RPRD2: variants seen among roughly 807,000 people sequenced by gnomAD.
The protein encoded by RPRD2 is regulation of nuclear pre-mRNA domain containing 2, also known as regulation of nuclear pre-mRNA domain-containing protein 2.
In RPRD2, 12 loss-of-function variants were observed where a neutral mutation model predicts 104.4. That is an observed-to-expected ratio of 0.11 (90% confidence interval 0.07 to 0.19). The LOEUF is 0.19. Ranked by LOEUF, RPRD2 falls within the 10% of genes least tolerant of loss-of-function variation. The probability of loss-of-function intolerance (pLI) is 1.00; values close to 1 mark genes in which losing one functional copy is unlikely to be tolerated. For synonymous variants in RPRD2, 714 were observed against 684.9 expected (o/e 1.04, Z -0.66); for missense variants, 1,543 against 1,790.1 (o/e 0.86, Z 2.49).
Position 150,444,242 on chromosome 1 carries a change from T to G in RPRD2, c.568-9T>G. On this transcript the variant is annotated splice_polypyrimidine_tract_variant and intron_variant, in intron 5 of 10. Coordinates refer to ENST00000369068, the MANE Select transcript of RPRD2 (RefSeq NM_015203.5). ...TTGTAAATGAAATATGACTCTGGTC[T>G]GTGTTTAGTCTCAGGCCCTAATTGA... The G allele has an allele frequency of 6.2e-7, 1 of 1,610,016 alleles. No individual in the cohort carries two copies. The highest frequency in any genetic ancestry group is 8.5e-7 in the Non-Finnish European group (1 of 1,178,424).
chr1:150,384,198 A>G (rs1218183378), intron 1 of RPRD2, among the ~76,000 whole-genome samples: 3 of 152,102 alleles, frequency 2.0e-5, no homozygotes, highest in African/African-American at 4.8e-5. Flanking sequence ...GTGCTTGGGG[A>G]AAACTTTGGT....
intron 2 of RPRD2, among the ~76,000 whole-genome samples, chr1:150,432,628 T>A (rs200523518): frequency 1.4e-3 from 164 of 113,142 alleles, no homozygotes; most frequent in Middle Eastern, 4.6e-3. Flanking sequence ...AAGAAAATGA[T>A]AAAAAAAAAA....
intron 1 of RPRD2, among the ~76,000 whole-genome samples, chr1:150,373,011 C>CT (rs1204634877): frequency 2.5e-4 from 38 of 149,956 alleles, no homozygotes; most frequent in African/African-American, 7.6e-4. Context: ...GAGATGAACT[C>CT]TTTTTTTTTC....
intron 1 of RPRD2, among the ~76,000 whole-genome samples, chr1:150,387,260 A>G (rs587703716): frequency 6.6e-6 from 1 of 152,274 alleles, no homozygotes; most frequent in African/African-American, 2.4e-5. Context: ...TATGTTTACT[A>G]GTTAATGGAT....
At chr1:150,452,734 G>C (rs1346492595) in intron 7 of RPRD2, among the ~76,000 whole-genome samples, 1 of 130,994 alleles carries the variant, frequency 7.6e-6, no homozygotes, top group Non-Finnish European at 1.6e-5. Flanking sequence ...GCAGTGGCAC[G>C]ATCTCGGCTC....
At chr1:150,444,443 C>G (rs1553895202) in intron 6 of RPRD2, 66 bp downstream of exon 6, 1 of 1,517,230 alleles carries the variant, frequency 6.6e-7, no homozygotes, top group Admixed American at 1.8e-5. Flanking sequence ...TTCCAGTAAT[C>G]ATACTGGTTT....
chr1:150,406,294 G>T (rs921542792), intron 1 of RPRD2, among the ~76,000 whole-genome samples: 8 of 152,150 alleles, frequency 5.3e-5, no homozygotes, highest in African/African-American at 1.7e-4. Flanking sequence ...AGGGGTCTTA[G>T]AACATATACC....
At chr1:150,395,024 G>A (rs1404790567) in intron 1 of RPRD2, among the ~76,000 whole-genome samples, 2 of 152,002 alleles carry the variant, frequency 1.3e-5, no homozygotes, top group Non-Finnish European at 2.9e-5. Context: ...ATTTCCATAG[G>A]TTATTGGGAA....
At chr1:150,370,572 C>CTTTTTTTT (rs11288735) in intron 1 of RPRD2, among the ~76,000 whole-genome samples, 3 of 109,750 alleles carry the variant, frequency 2.7e-5, no homozygotes, top group African/African-American at 3.6e-5. Context: ...TCCATTTTGT[C>CTTTTTTTT]TTTTTTTTTT....
rs1290783867 is a variant in RPRD2 at position 150,472,029 on chromosome 1, C to T, written c.3081C>T (p.Gly1027=). 5.6e-6 allele frequency: 9 copies of T among 1,613,786 alleles called. No individual in the cohort carries two copies. Among genetic ancestry groups the T allele is most frequent in the Admixed American group, 1.7e-5 (1 of 59,992 alleles). ...AGCCCTCAGATGATAAGCATTTTGGCCAGGCTCCCAGCAAGGGCACTCCAA... is the reference window on the plus strand; with the variant it reads ...AGCCCTCAGATGATAAGCATTTTGGTCAGGCTCCCAGCAAGGGCACTCCAA... The part of the protein sequence containing the change: ...SRKPSDDKHF[G]QAPSKGTPSD... Residue 1027 remains glycine (G), a synonymous_variant, in exon 11 of 11, where the codon GGC becomes GGT. Coordinates refer to ENST00000369068, the MANE Select transcript of RPRD2 (RefSeq NM_015203.5).
chr1:150,428,542 C>T (rs1665327890), intron 2 of RPRD2, among the ~76,000 whole-genome samples: 1 of 151,236 alleles, frequency 6.6e-6, no homozygotes, highest in Non-Finnish European at 1.5e-5. Context: ...CTGCCTCTCT[C>T]TTGAGGTGAT....
chr1:150,440,017 G>T (rs1325916810), intron 2 of RPRD2, among the ~76,000 whole-genome samples: 2 of 151,520 alleles, frequency 1.3e-5, no homozygotes, highest in Non-Finnish European at 2.9e-5. Flanking sequence ...AGGCTGGGTT[G>T]CAGTGTTGTG....
rs376274707 is a variant in RPRD2, at chr1:150,471,849, C to G, written c.2901C>G (p.His967Gln). The change falls in exon 11 of 11, where the codon CAC (histidine) becomes CAG (glutamine). Residue 967 changes from histidine to glutamine, a missense_variant. By Grantham distance (24) the His-to-Gln change is conservative. Coordinates refer to ENST00000369068, the MANE Select transcript of RPRD2 (RefSeq NM_015203.5). The surrounding 1 kb of genome is among the most constrained non-coding windows in gnomAD (Gnocchi z 5.3). Reference protein sequence around the residue: ...LPQKQYPDSPHPVPHRSLFSP... With the variant: ...LPQKQYPDSPQPVPHRSLFSP... ...AGAAGCAGTACCCAGACTCTCCTCA[C>G]CCAGTCCCACATCGTTCCCTTTTCT... is the stretch of plus-strand genomic sequence containing the variant. The G allele has an allele frequency of 6.2e-7, 1 of 1,613,886 alleles. No homozygotes were observed. The highest frequency in any genetic ancestry group is 8.5e-7 in the Non-Finnish European group (1 of 1,179,910).
chr1:150,436,794 A>G (rs587635820), intron 2 of RPRD2, among the ~76,000 whole-genome samples: 5 of 151,218 alleles, frequency 3.3e-5, no homozygotes, highest in South Asian at 2.1e-4. Context: ...AATACCAGCC[A>G]CTCAGGAAGC....
rs782239691 is a variant in RPRD2 at position 150,464,723 on chromosome 1, G to A, written c.1608G>A (p.Leu536=). Residue 536 remains leucine (L), a synonymous_variant, in exon 10 of 11, where the codon CTG becomes CTA. Transcript: ENST00000369068. ...CCCAGACACAGTCAGCCCCTGCACT[G>A]CAAGGTAACTGACATATGCCAGAGG... The part of the protein sequence containing the change: ...SKTQTQSAPA[L]QGLSSLLQSV... 6.2e-7 allele frequency: 1 copy of A among 1,610,700 alleles called. No individual in the cohort carries two copies. The highest frequency in any genetic ancestry group is 8.5e-7 in the Non-Finnish European group (1 of 1,178,068).
intron 2 of RPRD2, among the ~76,000 whole-genome samples, chr1:150,429,729 GA>G (rs1293321831): frequency 6.6e-6 from 1 of 152,184 alleles, no homozygotes; most frequent in Non-Finnish European, 1.5e-5. Context: ...TCACTGTTTT[GA>G]AGAAGTTCTG....
chr1:150,409,925 G>A (rs587762705), intron 1 of RPRD2, among the ~76,000 whole-genome samples: 2 of 152,236 alleles, frequency 1.3e-5, no homozygotes, highest in African/African-American at 4.8e-5. Flanking sequence ...GATTATAGGC[G>A]TGAGCTACCG....
intron 1 of RPRD2, among the ~76,000 whole-genome samples, chr1:150,380,727 T>C (rs1360154711): frequency 6.6e-6 from 1 of 151,986 alleles, no homozygotes; most frequent in African/African-American, 2.4e-5. Context: ...TGCTGTCGGC[T>C]CACTGCAACC....
chr1:150,411,747 C>T (rs1397328121), intron 1 of RPRD2, among the ~76,000 whole-genome samples: 3 of 123,286 alleles, frequency 2.4e-5, no homozygotes, highest in African/African-American at 1.0e-4. Context: ...GCCAAGATCG[C>T]GCCACTGCAC....
Sources: allele counts gnomAD v4.1 joint callset (sites outside exome capture counted in the v4.1 genomes callset), GRCh38; gene constraint gnomAD v4.1.1; non-coding constraint Gnocchi (gnomAD v3.1); transcripts MANE v1.5; gene names NCBI Gene and HGNC (gene_info 2026-07-23, HGNC 2026-07-21).